CSMD1: variants seen among roughly 807,000 people sequenced by gnomAD.
CSMD1 encodes CUB and Sushi multiple domains 1.
In CSMD1, 213 loss-of-function variants were observed where a neutral mutation model predicts 417.5. The observed-to-expected ratio is 0.51, with a 90% CI of 0.46 to 0.57. CSMD1 has a LOEUF of 0.57. CSMD1 is among the 20% of genes least tolerant of loss of function. CSMD1 has a pLI of 0.00. For synonymous variants in CSMD1, 2,862 were observed against 1,736.8 expected (o/e 1.65, Z -16.11); for missense variants, 6,923 against 4,529.7 (o/e 1.53, Z -15.17).
chr8:3,552,494 C>G (rs753092212), intron 10 of CSMD1, among the ~76,000 whole-genome samples: 1 of 152,134 alleles, frequency 6.6e-6, no homozygotes, highest in Non-Finnish European at 1.5e-5. Flanking sequence ...GCCTTTCTAT[C>G]TCAGAAAACA....
intron 1 of CSMD1, among the ~76,000 whole-genome samples, chr8:4,726,871 T>C (rs1237501816): frequency 6.6e-5 from 10 of 152,116 alleles, no homozygotes; most frequent in Non-Finnish European, 1.3e-4. Context: ...AGTATTGAGT[T>C]TCAAAAACAT....
At chr8:3,946,810 T>C (rs1462007844) in intron 5 of CSMD1, among the ~76,000 whole-genome samples, 1 of 152,182 alleles carries the variant, frequency 6.6e-6, no homozygotes, top group African/African-American at 2.4e-5. Flanking sequence ...ACTAAATCTG[T>C]CATATTTTAA....
At chr8:4,704,264 T>C (rs1207294761) in intron 1 of CSMD1, among the ~76,000 whole-genome samples, 1 of 152,244 alleles carries the variant, frequency 6.6e-6, no homozygotes, top group African/African-American at 2.4e-5. Flanking sequence ...TCCCCAAGTA[T>C]ACTTGGAAAA....
intron 3 of CSMD1, among the ~76,000 whole-genome samples, chr8:4,375,218 A>T (rs1249107060): frequency 6.6e-6 from 1 of 152,136 alleles, no homozygotes; most frequent in Non-Finnish European, 1.5e-5. Context: ...ACGGGGATAG[A>T]TAGTTTGGAT....
At chr8:3,864,499 G>C (rs1804947938) in intron 5 of CSMD1, among the ~76,000 whole-genome samples, 1 of 152,160 alleles carries the variant, frequency 6.6e-6, no homozygotes, top group Admixed American at 6.5e-5. Context: ...TTAAGTTTTA[G>C]GGTACATGTG....
At chr8:3,968,360 C>T (rs774509440) in intron 5 of CSMD1, among the ~76,000 whole-genome samples, 1 of 152,094 alleles carries the variant, frequency 6.6e-6, no homozygotes, top group Non-Finnish European at 1.5e-5. Context: ...TACAAGAATC[C>T]AACCTGGGCA....
intron 1 of CSMD1, among the ~76,000 whole-genome samples, chr8:4,910,728 A>G (rs1805607552): frequency 6.6e-6 from 1 of 152,216 alleles, no homozygotes; most frequent in Non-Finnish European, 1.5e-5. Context: ...AAGTGTTAAA[A>G]AATAATAAAG....
chr8:4,409,862 G>C (rs1219682492), intron 3 of CSMD1, among the ~76,000 whole-genome samples: 2 of 152,194 alleles, frequency 1.3e-5, no homozygotes, highest in South Asian at 4.2e-4. Context: ...TGCCCAGGCT[G>C]GAGTGTAATG....
intron 5 of CSMD1, among the ~76,000 whole-genome samples, chr8:3,965,627 T>C (rs945988831): frequency 6.6e-6 from 1 of 152,124 alleles, no homozygotes; most frequent in Non-Finnish European, 1.5e-5. Context: ...TATTTATTTA[T>C]TTATTTTTGA....
At chr8:4,122,339 A>C (rs1396121805) in intron 3 of CSMD1, among the ~76,000 whole-genome samples, 2 of 152,174 alleles carry the variant, frequency 1.3e-5, no homozygotes, top group Admixed American at 6.5e-5. Context: ...ATTTAACCCA[A>C]GAAGAAATAG....
intron 3 of CSMD1, among the ~76,000 whole-genome samples, chr8:4,354,271 T>C (rs767272854): frequency 2.0e-4 from 30 of 150,118 alleles, no homozygotes; most frequent in Non-Finnish European, 3.3e-4. Context: ...TGTTATTTTA[T>C]GACAAAGTAA....
intron 2 of CSMD1, among the ~76,000 whole-genome samples, chr8:4,561,898 A>G (rs1305783062): frequency 6.6e-6 from 1 of 152,170 alleles, no homozygotes; most frequent in Non-Finnish European, 1.5e-5. Flanking sequence ...TGAAGCCAGA[A>G]TCTCAACCAA....
At chr8:3,207,151 C>T (rs1405093620) in intron 30 of CSMD1, among the ~76,000 whole-genome samples, 215 of 95,050 alleles carry the variant, frequency 2.3e-3, no homozygotes, top group Non-Finnish European at 2.5e-3. Flanking sequence ...TTTTCATTTT[C>T]TTTTTTTTTT....
At chr8:4,436,514 T>C (rs1329882626) in intron 2 of CSMD1, among the ~76,000 whole-genome samples, 1 of 152,142 alleles carries the variant, frequency 6.6e-6, no homozygotes, top group Admixed American at 6.6e-5. Flanking sequence ...CTCTCAAACA[T>C]TTATCCTTCA....
Position 3,219,355 on chromosome 8 carries a change from A to T in CSMD1, c.4572T>A (p.Ser1524=). The T allele has an allele frequency of 1.3e-6, 2 of 1,574,236 alleles. No homozygotes were observed. The highest frequency in any genetic ancestry group is 1.8e-5 in the Admixed American group (1 of 54,136). ...TACTCTCTATTCTTTCTGGGGCCTG[A>T]GAGCCCTGGTAACTCCCAATGAGGG... The part of the protein sequence containing the change: ...NSPLIGSYQG[S]QAPERIESSG... Residue 1524 remains serine, a synonymous_variant, in exon 29 of 70, where the codon TCT becomes TCA. Transcript: ENST00000635120.
intron 3 of CSMD1, among the ~76,000 whole-genome samples, chr8:4,296,988 G>A (rs1226007256): frequency 6.6e-6 from 1 of 152,084 alleles, no homozygotes; most frequent in Non-Finnish European, 1.5e-5. Flanking sequence ...ATAGTGCAAA[G>A]AAGTACAAAG....
In CSMD1 at chr8:2,935,737, C is replaced by G. The variant is rs866922771; in HGVS notation, c.*2848G>C. ...CGTGTGGTGGGACGGGAGGGAGGGT[C>G]GGCGATGACAATGGGTTTTCCTGAT... On this transcript the variant is annotated 3_prime_UTR_variant, in exon 70 of 70. Transcript: ENST00000635120. 1 of 152,110 alleles carries G rather than the reference C, an allele frequency of 6.6e-6. No individual in the cohort carries two copies. Among genetic ancestry groups the G allele is most frequent in the Admixed American group, 6.5e-5 (1 of 15,280 alleles). 9.4% of individuals were successfully genotyped at this position (152,110 alleles called of 1,614,324 possible). A position where few individuals can be genotyped will look rare whatever the true frequency, so the allele number is the denominator to read the frequency against.
intron 12 of CSMD1, among the ~76,000 whole-genome samples, chr8:3,459,856 A>G (rs1414725698): frequency 6.6e-6 from 1 of 152,028 alleles, no homozygotes; most frequent in African/African-American, 2.4e-5. Context: ...AAACGTATAA[A>G]AACTCAACTA....
At chr8:4,352,457 G>C (rs1048621641) in intron 3 of CSMD1, among the ~76,000 whole-genome samples, 1 of 152,088 alleles carries the variant, frequency 6.6e-6, no homozygotes, top group African/African-American at 2.4e-5. Context: ...TTAAAGAATA[G>C]AAAGTGGAAA....
Sources: gnomAD v4.1 joint callset for allele counts (sites outside exome capture counted in the v4.1 genomes callset) on GRCh38, gnomAD v4.1.1 for gene constraint, MANE v1.5 for transcripts, NCBI Gene and HGNC (gene_info 2026-07-23, HGNC 2026-07-21) for gene names.